NID1: variants seen among roughly 807,000 people sequenced by gnomAD.
NID1 encodes the protein nidogen-1.
A neutral mutation model predicts 130.6 loss-of-function variants in NID1; 76 were observed. That is an observed-to-expected ratio of 0.58 (90% CI 0.48 to 0.70). The LOEUF is 0.70. Ranked by LOEUF, NID1 falls within the 30% of genes least tolerant of loss-of-function variation. The probability of loss-of-function intolerance (pLI) is 0.00; values close to 1 mark genes in which losing one functional copy is unlikely to be tolerated. For synonymous variants in NID1, 665 were observed against 675.1 expected (o/e 0.98, Z 0.23); for missense variants, 1,517 against 1,664.8 (o/e 0.91, Z 1.54).
rs187906055 is a variant in NID1 at position 236,004,127 on chromosome 1, G to A, written c.2527+7794C>T. ...TTGCTGACTTTTACGAGAGCAGTTTGGGTGTTGTGGTGGGGAAAGAAGCTG... is the reference window on the plus strand; with the variant it reads ...TTGCTGACTTTTACGAGAGCAGTTTAGGTGTTGTGGTGGGGAAAGAAGCTG... On this transcript the variant is annotated intron_variant, in intron 12 of 19. Coordinates refer to ENST00000264187, the MANE Select transcript of NID1 (RefSeq NM_002508.3). Among the ~76,000 whole-genome samples, 358 of 152,156 alleles carry A rather than the reference G, an allele frequency of 2.4e-3. 2 individuals are homozygous for A. Among genetic ancestry groups the A allele is most frequent in the African/African-American group, 8.5e-3 (352 of 41,510 alleles).
At chr1:236,064,784 T>C in intron 1 of NID1, 71 bp downstream of exon 1, 1 of 1,454,670 alleles carries the variant, frequency 6.9e-7, no homozygotes, top group Non-Finnish European at 9.4e-7. Flanking sequence ...CCCAAGTCCG[T>C]CCGGCTCCAC....
chr1:236,020,271 A>G (rs1332133796), intron 9 of NID1, among the ~76,000 whole-genome samples: 1 of 152,158 alleles, frequency 6.6e-6, no homozygotes, highest in Admixed American at 6.5e-5. Context: ...ATCCTGGATC[A>G]TTCTTGTCAT....
At chr1:236,058,510 G>A (rs144599102) in intron 1 of NID1, among the ~76,000 whole-genome samples, 2 of 152,192 alleles carry the variant, frequency 1.3e-5, no homozygotes, top group Non-Finnish European at 2.9e-5. Context: ...TGACAAGAAG[G>A]GGATGGACAG....
chr1:236,014,220 ACTCT>A (rs893915747), intron 10 of NID1, among the ~76,000 whole-genome samples: 1 of 123,012 alleles, frequency 8.1e-6, no homozygotes, highest in East Asian at 2.5e-4. Flanking sequence ...CACCCCCTCA[ACTCT>A]CTCTCTCTCT....
At chr1:235,991,318 GAAAAAAAAT>G (rs1558423475) in intron 13 of NID1, among the ~76,000 whole-genome samples, 3 of 151,750 alleles carry the variant, frequency 2.0e-5, no homozygotes, top group Non-Finnish European at 2.9e-5. Flanking sequence ...AAAGTCACGT[GAAAAAAAAT>G]GGCTTGGCCT....
rs183002949 is a variant in NID1 at position 236,028,000 on chromosome 1, T to A, written c.1738+1550A>T. Among the ~76,000 whole-genome samples, 22 of 152,166 alleles carry A rather than the reference T, an allele frequency of 1.4e-4. 1 individual carries two copies. In the East Asian group the frequency reaches 4.2e-3, roughly 29 times the overall value. On this transcript the variant is annotated intron_variant, in intron 7 of 19. Coordinates refer to ENST00000264187, the MANE Select transcript of NID1 (RefSeq NM_002508.3). ...AAAATTAAATTAAAAAAATAAAAAA[T>A]TCCTATTGTTTGACTCGGCACTTCT...
At chr1:236,040,662 C>CTTTTTTTTTTT (rs36050664) in intron 4 of NID1, among the ~76,000 whole-genome samples, 1 of 143,424 alleles carries the variant, frequency 7.0e-6, no homozygotes, top group Non-Finnish European at 1.5e-5. Flanking sequence ...GTTGGAACAT[C>CTTTTTTTTTTT]TTTTTTTTTT....
At chr1:235,993,478 CG>C (rs1657822317) in intron 13 of NID1, among the ~76,000 whole-genome samples, 166 bp downstream of exon 13, 1 of 152,046 alleles carries the variant, frequency 6.6e-6, no homozygotes, top group African/African-American at 2.4e-5. Context: ...CGGGGAGGAG[CG>C]GGGTAAGTGA....
chr1:236,060,962 G>A (rs1164092991), intron 1 of NID1, among the ~76,000 whole-genome samples: 1 of 152,114 alleles, frequency 6.6e-6, no homozygotes, highest in African/African-American at 2.4e-5. Flanking sequence ...GCCTAGTACT[G>A]TATTACACAA....
Position 236,040,758 on chromosome 1 carries a change from G to C in NID1, c.1135+1152C>G, listed in dbSNP as rs773435881. Among the ~76,000 whole-genome samples, 50 of 151,762 alleles carry C rather than the reference G, an allele frequency of 3.3e-4. 1 individual carries two copies. The highest frequency in any genetic ancestry group is 9.9e-4 in the Admixed American group (15 of 15,226). ...GGCTCACTGCAACCTCCACCTCTCA[G>C]GTTCGAGCGATTCTCTGGCCTCAGC... On this transcript the variant is annotated intron_variant, in intron 4 of 19. Transcript: ENST00000264187.
At chr1:236,039,609 A>G (rs1419935756) in intron 4 of NID1, among the ~76,000 whole-genome samples, 1 of 152,202 alleles carries the variant, frequency 6.6e-6, no homozygotes, top group Admixed American at 6.5e-5. Flanking sequence ...ATATTTAATA[A>G]TCCCGAGCAA....
intron 12 of NID1, among the ~76,000 whole-genome samples, chr1:236,007,863 T>C (rs768258392): frequency 1.1e-4 from 16 of 152,330 alleles, no homozygotes; most frequent in Admixed American, 5.9e-4. Context: ...TAAATGTTCA[T>C]TGTTTTAAGT....
chr1:236,031,997 G>T (rs1659112973), intron 6 of NID1, among the ~76,000 whole-genome samples: 1 of 152,110 alleles, frequency 6.6e-6, no homozygotes, highest in Non-Finnish European at 1.5e-5. Flanking sequence ...GTTTCAGGTT[G>T]GTTTGGAATT....
At chr1:236,038,293 T>A (rs988312374) in intron 4 of NID1, 40 bp from the exon 5 acceptor site, 2 of 1,595,966 alleles carry the variant, frequency 1.3e-6, no homozygotes, top group African/African-American at 2.7e-5. Flanking sequence ...AAGCATTTCA[T>A]GCAGCTCTAG....
intron 7 of NID1, among the ~76,000 whole-genome samples, chr1:236,027,655 C>A (rs1658977749): frequency 6.6e-6 from 1 of 152,118 alleles, no homozygotes; most frequent in Admixed American, 6.5e-5. Context: ...ATGGAGAAAC[C>A]CTGTCTCTAC....
At chr1:236,050,201 T>A (rs550059871) in intron 1 of NID1, among the ~76,000 whole-genome samples, 3 of 152,352 alleles carry the variant, frequency 2.0e-5, no homozygotes, top group African/African-American at 7.2e-5. Flanking sequence ...TTTTCCAAAA[T>A]CAGTCCTTTT....
At chr1:236,064,593 C>T in intron 1 of NID1, 1 of 455,974 alleles carries the variant, frequency 2.2e-6, no homozygotes, top group South Asian at 2.3e-5. Context: ...GGAAGCTCCG[C>T]GGGGTCCATG....
chr1:236,004,117 A>G (rs1658169496), intron 12 of NID1, among the ~76,000 whole-genome samples: 1 of 151,780 alleles, frequency 6.6e-6, no homozygotes, highest in Admixed American at 6.6e-5. Context: ...GACTTTTACG[A>G]GAGCAGTTTG....
intron 1 of NID1, among the ~76,000 whole-genome samples, chr1:236,059,900 G>T (rs1202657153): frequency 1.3e-5 from 2 of 152,172 alleles, no homozygotes; most frequent in Non-Finnish European, 1.5e-5. Flanking sequence ...AAGAGATCGA[G>T]ACCATCCTGG....
Sources: gnomAD v4.1 joint callset for allele counts (sites outside exome capture counted in the v4.1 genomes callset) on GRCh38, gnomAD v4.1.1 for gene constraint, MANE v1.5 for transcripts, NCBI Gene and HGNC (gene_info 2026-07-23, HGNC 2026-07-21) for gene names.